Variants in MYO3A observed in about 807,000 individuals in gnomAD.
MYO3A encodes myosin-IIIa.
MYO3A carries 180 observed loss-of-function variants against 192.7 expected under a neutral mutation model. That is an observed-to-expected ratio of 0.93 (90% CI 0.83 to 1.06). The LOEUF is 1.06. Among genes scored for constraint, MYO3A ranks in the 50% least tolerant of loss-of-function variants. The pLI is 0.00. For synonymous variants in MYO3A, 628 were observed against 645.3 expected (o/e 0.97, Z 0.41); for missense variants, 1,896 against 1,905.0 (o/e 1.00, Z 0.09).
intron 17 of MYO3A, 139 bp from the exon 18 acceptor site, chr10:26,120,537 T>C: frequency 9.1e-7 from 1 of 1,100,502 alleles, no homozygotes. Flanking sequence ...CCTACTTGGA[T>C]CTCAGTGTGG....
At chr10:26,204,775 A>C (rs536186589) in intron 34 of MYO3A, among the ~76,000 whole-genome samples, 195 of 152,384 alleles carry the variant, frequency 1.3e-3, no homozygotes, top group Non-Finnish European at 2.4e-3. Context: ...AGAATAGTGC[A>C]TAAGATGTGA....
chr10:26,174,623 A>G (rs1365813559), intron 30 of MYO3A, 66 bp downstream of exon 30: 8 of 1,322,604 alleles, frequency 6.0e-6, no homozygotes, highest in Non-Finnish European at 8.6e-6. Flanking sequence ...ACTGAATTAA[A>G]CACATAATTA....
Position 26,192,875 on chromosome 10 carries a change from G to A in MYO3A, c.4439-330G>A, listed in dbSNP as rs1564635749. ...TTCATCAGTTGGCCAGGCTGGTCTC[G>A]AACTCCTGACCTCAAGTGATCTGCC... On this transcript the variant is annotated intron_variant, in intron 31 of 34. Transcript: ENST00000642920. Among the ~76,000 whole-genome samples, 6 of 151,744 alleles carry A rather than the reference G, an allele frequency of 4.0e-5. No homozygotes were observed. The South Asian group carries it at 8.3e-4, about 21-fold the overall frequency.
chr10:26,081,143 C>T lies in MYO3A; in HGVS notation c.1360-7060C>T, dbSNP rs983829163. Among the ~76,000 whole-genome samples the T allele has an allele frequency of 1.4e-4, 13 of 90,454 alleles. 1 individual carries two copies. The East Asian group carries it at 2.9e-3, about 20-fold the overall frequency. 59.3% of individuals were successfully genotyped at this position (90,454 alleles called of 152,430 possible). On this transcript the variant is annotated intron_variant, in intron 14 of 34. Coordinates refer to ENST00000642920, the MANE Select transcript of MYO3A (RefSeq NM_017433.5). The stretch of plus-strand genomic sequence containing the variant: ...AAGATTATATGCCCTTCCCCCCCCC[C>T]CCGCCCCCGCTACCAGGGTGGGTAG...
chr10:26,021,378 C>T, intron 7 of MYO3A, 125 bp from the exon 8 acceptor site: 2 of 1,148,990 alleles, frequency 1.7e-6, no homozygotes, highest in Non-Finnish European at 2.6e-6. Flanking sequence ...AAGTTACTGC[C>T]TTCGTCTTTA....
chr10:26,073,829 G>C (rs1231566885), intron 14 of MYO3A, among the ~76,000 whole-genome samples: 1 of 152,012 alleles, frequency 6.6e-6, no homozygotes, highest in Non-Finnish European at 1.5e-5. Context: ...GGGGTGGAGA[G>C]AGGGGTTCAC....
At chr10:25,979,367 C>T (rs1839158838) in intron 4 of MYO3A, among the ~76,000 whole-genome samples, 1 of 149,146 alleles carries the variant, frequency 6.7e-6, no homozygotes, top group East Asian at 2.0e-4. Flanking sequence ...TTACCAGGGT[C>T]ACAAAATATT....
At chr10:25,993,266 A>C (rs920534876) in intron 4 of MYO3A, among the ~76,000 whole-genome samples, 2 of 152,166 alleles carry the variant, frequency 1.3e-5, no homozygotes, top group African/African-American at 4.8e-5. Context: ...GAATTTATCC[A>C]TTTAATCTAG....
chr10:26,136,524 A>G (rs1184295652), intron 20 of MYO3A, among the ~76,000 whole-genome samples: 2 of 152,232 alleles, frequency 1.3e-5, no homozygotes, highest in African/African-American at 4.8e-5. Context: ...GAATCTTTTT[A>G]AAACTTTGGG....
Position 26,096,422 on chromosome 10 carries a change from G to T in MYO3A, c.1604G>T (p.Gly535Val). 3 of 1,613,426 alleles carry T rather than the reference G, an allele frequency of 1.9e-6. No individual in the cohort carries two copies. Among genetic ancestry groups the T allele is most frequent in the Non-Finnish European group, 2.5e-6 (3 of 1,179,822 alleles). Reference protein sequence around the residue: ...NFHIFYYIYAGLAEKKKLAHY... With the variant: ...NFHIFYYIYAVLAEKKKLAHY... The stretch of plus-strand genomic sequence containing the variant: ...CATATTTTTTACTACATTTATGCTG[G>T]TTTGGCTGAAAAGAAGAAACTAGCC... Residue 535 changes from glycine to valine, a missense_variant, in exon 16 of 35, where the codon GGT (glycine) becomes GTT (valine). Transcript: ENST00000642920.
chr10:26,126,597 T>A (rs1178356853), intron 19 of MYO3A, among the ~76,000 whole-genome samples: 2 of 152,114 alleles, frequency 1.3e-5, no homozygotes, highest in East Asian at 3.9e-4. Flanking sequence ...TCTGGTACGG[T>A]CATCTATATT....
intron 4 of MYO3A, among the ~76,000 whole-genome samples, chr10:25,963,384 C>T (rs1022197475): frequency 6.6e-6 from 1 of 152,034 alleles, no homozygotes; most frequent in African/African-American, 2.4e-5. Flanking sequence ...TCAGGCCTGC[C>T]TTGAGGAAAG....
At chr10:26,006,551 C>T (rs1841222074) in intron 6 of MYO3A, among the ~76,000 whole-genome samples, 1 of 152,060 alleles carries the variant, frequency 6.6e-6, no homozygotes, top group Non-Finnish European at 1.5e-5. Context: ...AAGGGGATAT[C>T]ACCACCAATC....
At chr10:26,122,462 C>A (rs1252971696) in intron 18 of MYO3A, among the ~76,000 whole-genome samples, 1 of 152,184 alleles carries the variant, frequency 6.6e-6, no homozygotes, top group Non-Finnish European at 1.5e-5. Context: ...CAATTAAGCA[C>A]CAGTTCTGAC....
chr10:26,125,617 T>C lies in MYO3A; in HGVS notation c.2114+9T>C. ...CATGACTCATCACCAAGGTAAAAAT[T>C]TTTACAGAAACATTTTTTTCCCAAA... is the stretch of plus-strand genomic sequence containing the variant. On this transcript the variant is annotated intron_variant, in intron 19 of 34. Transcript: ENST00000642920. The C allele has an allele frequency of 1.2e-6, 2 of 1,611,912 alleles. No homozygotes were observed. Among genetic ancestry groups the C allele is most frequent in the Non-Finnish European group, 1.7e-6 (2 of 1,178,180 alleles).
chr10:26,100,246 G>C lies in MYO3A; in HGVS notation c.1776+3564G>C, dbSNP rs531097742. 2.2e-4 allele frequency among the ~76,000 whole-genome samples: 33 copies of C among 152,188 alleles called. No homozygotes were observed. The East Asian group carries it at 4.1e-3, about 19-fold the overall frequency. On this transcript the variant is annotated intron_variant, in intron 17 of 34. Coordinates refer to ENST00000642920, the MANE Select transcript of MYO3A (RefSeq NM_017433.5). ...TAGTTTGTATTTCTGTGGGATTGAT[G>C]GTGGTGTCCCCTTTATCATTTTTGT...
Position 26,176,855 on chromosome 10 carries a change from A to G in MYO3A, c.4438+10A>G, listed in dbSNP as rs375860991. On this transcript the variant is annotated intron_variant, in intron 31 of 34. Coordinates refer to ENST00000642920, the MANE Select transcript of MYO3A (RefSeq NM_017433.5). ...CAGCAGTGCCTCTCAGGTAAAAATC[A>G]GTAGAGTTAGAACTTCCTGAATGGG... is the stretch of plus-strand genomic sequence containing the variant. The G allele has an allele frequency of 2.4e-5, 39 of 1,613,686 alleles. No homozygotes were observed. The highest frequency in any genetic ancestry group is 3.2e-5 in the Non-Finnish European group (38 of 1,179,696).
chr10:26,052,397 T>C (rs1844057181), intron 10 of MYO3A, among the ~76,000 whole-genome samples: 1 of 152,214 alleles, frequency 6.6e-6, no homozygotes, highest in Non-Finnish European at 1.5e-5. Flanking sequence ...ATGATATCTG[T>C]CACTCCAGGT....
At chr10:26,183,525 A>G (rs573241721) in intron 31 of MYO3A, among the ~76,000 whole-genome samples, 2 of 152,204 alleles carry the variant, frequency 1.3e-5, no homozygotes, top group East Asian at 3.9e-4. Flanking sequence ...TTCGTCTCAA[A>G]AAAAATAATA....
Sources: gnomAD v4.1 joint callset for allele counts (sites outside exome capture counted in the v4.1 genomes callset) on GRCh38, gnomAD v4.1.1 for gene constraint, MANE v1.5 for transcripts, NCBI Gene and HGNC (gene_info 2026-07-23, HGNC 2026-07-21) for gene names.